The following SLX4IP variants were observed in gnomAD, a reference collection of about 807,000 sequenced individuals.
SLX4IP encodes SLX4 interacting protein.
In SLX4IP, 34 loss-of-function variants were observed where a neutral mutation model predicts 32.9. The ratio of observed to expected loss-of-function variants is 1.03; its 90% CI spans 0.79 to 1.38. The LOEUF (loss-of-function observed/expected upper bound fraction) is 1.38, where lower values mean the gene tolerates loss of function less well. SLX4IP is among the 40% of genes most tolerant of loss of function. SLX4IP has a pLI of 0.00. For synonymous variants in SLX4IP, 172 were observed against 171.7 expected (o/e 1.00, Z -0.01); for missense variants, 444 against 479.0 (o/e 0.93, Z 0.68).
At chr20:10,474,662 C>T (rs2065458705) in intron 2 of SLX4IP, among the ~76,000 whole-genome samples, 1 of 152,238 alleles carries the variant, frequency 6.6e-6, no homozygotes, top group South Asian at 2.1e-4. Flanking sequence ...GGGCTGGAGC[C>T]TCTCCACTTC....
intron 2 of SLX4IP, among the ~76,000 whole-genome samples, chr20:10,532,905 A>T (rs2066002387): frequency 6.6e-6 from 1 of 151,824 alleles, no homozygotes; most frequent in African/African-American, 2.4e-5. Flanking sequence ...CCTCCCAAGT[A>T]ACTGAGATTA....
chr20:10,562,420 C>T (rs2066343203), intron 4 of SLX4IP, among the ~76,000 whole-genome samples: 1 of 152,186 alleles, frequency 6.6e-6, no homozygotes, highest in African/African-American at 2.4e-5. Flanking sequence ...ATCCCGCTGT[C>T]CATGGCCTGC....
chr20:10,613,249 A>G, intron 6 of SLX4IP: 1 of 604,794 alleles, frequency 1.7e-6, no homozygotes, highest in South Asian at 2.0e-5. Context: ...ACACAATGTC[A>G]AGTGCTTTCT....
intron 1 of SLX4IP, among the ~76,000 whole-genome samples, chr20:10,438,231 T>C (rs922045864): frequency 6.6e-6 from 1 of 151,512 alleles, no homozygotes; most frequent in African/African-American, 2.4e-5. Context: ...TTTTTTTTTC[T>C]GTAAGTACTT....
chr20:10,503,543 C>G lies in SLX4IP; in HGVS notation c.27+45312C>G, dbSNP rs79964599. Among the ~76,000 whole-genome samples, 659 of 152,350 alleles carry G rather than the reference C, an allele frequency of 4.3e-3. 2 individuals are homozygous for G. Among genetic ancestry groups the G allele is most frequent in the South Asian group, 0.017 (84 of 4,832 alleles). ...AGCAGCTTTGCTTTCCTCTGAAAGG[C>G]ATCATCTCTGTTCACAAATGACATG... On this transcript the variant is annotated intron_variant, in intron 2 of 7. Transcript: ENST00000334534.
chr20:10,511,879 A>C (rs2065810593), intron 2 of SLX4IP, among the ~76,000 whole-genome samples: 1 of 152,252 alleles, frequency 6.6e-6, no homozygotes, highest in Non-Finnish European at 1.5e-5. Context: ...GTATGAAACT[A>C]AAATTTATTG....
intron 1 of SLX4IP, among the ~76,000 whole-genome samples, chr20:10,450,584 T>C (rs1691553852): frequency 6.6e-6 from 1 of 152,208 alleles, no homozygotes; most frequent in Admixed American, 6.5e-5. Flanking sequence ...ATACTTAACA[T>C]GACTTAGGGT....
At chr20:10,566,704 G>A (rs756181221) in intron 4 of SLX4IP, among the ~76,000 whole-genome samples, 57 of 152,132 alleles carry the variant, frequency 3.7e-4, no homozygotes, top group Non-Finnish European at 7.2e-4. Flanking sequence ...ATTGAGTAAG[G>A]CCAGCTGCAG....
chr20:10,513,987 T>C (rs1428945109), intron 2 of SLX4IP, among the ~76,000 whole-genome samples: 2 of 152,330 alleles, frequency 1.3e-5, no homozygotes, highest in Admixed American at 1.3e-4. Flanking sequence ...GATAAACCTA[T>C]GCCAAAAGGA....
chr20:10,594,052 A>C (rs929108896), intron 4 of SLX4IP, among the ~76,000 whole-genome samples: 2 of 152,224 alleles, frequency 1.3e-5, no homozygotes, highest in Non-Finnish European at 2.9e-5. Flanking sequence ...AGCTGTGCTC[A>C]CATGTTTAGG....
At chr20:10,523,961 G>A (rs1354965320) in intron 2 of SLX4IP, among the ~76,000 whole-genome samples, 1 of 152,196 alleles carries the variant, frequency 6.6e-6, no homozygotes, top group African/African-American at 2.4e-5. Flanking sequence ...GTGATGTTTG[G>A]CCATTTTGTT....
intron 6 of SLX4IP, chr20:10,613,561 T>C (rs2122562625): frequency 2.5e-6 from 4 of 1,612,450 alleles, no homozygotes; most frequent in Non-Finnish European, 3.4e-6. Flanking sequence ...CTGCTCTGAA[T>C]GGCTGCCTTC....
chr20:10,617,434 A>G (rs1344186805), intron 6 of SLX4IP, among the ~76,000 whole-genome samples: 3 of 152,012 alleles, frequency 2.0e-5, no homozygotes, highest in African/African-American at 7.2e-5. Context: ...CTTCGTGAGG[A>G]GGTTGGAAGC....
chr20:10,569,942 A>G (rs937402510), intron 4 of SLX4IP, among the ~76,000 whole-genome samples: 2 of 152,192 alleles, frequency 1.3e-5, no homozygotes, highest in African/African-American at 4.8e-5. Flanking sequence ...AGGTACTGGG[A>G]GTTAGGACTT....
rs567268523 is a variant in SLX4IP, at chr20:10,625,684, A to G, written c.*2305A>G. On this transcript the variant is annotated 3_prime_UTR_variant, in exon 8 of 8. Transcript: ENST00000334534. ...CAATTACTGTGATCGAAGAGAAAAA[A>G]TAGCACCTTTGGTTGTAGATAGATG... 1 of 152,324 alleles carries G rather than the reference A, an allele frequency of 6.6e-6. No homozygotes were observed. The highest frequency in any genetic ancestry group is 1.5e-5 in the Non-Finnish European group (1 of 68,032). The allele number at this position is 152,324 out of a possible 1,614,324, so 9.4% of individuals were successfully genotyped here. A position where few individuals can be genotyped will look rare whatever the true frequency, so the allele number is the denominator to read the frequency against.
At chr20:10,464,694 T>A (rs1760281153) in intron 2 of SLX4IP, among the ~76,000 whole-genome samples, 1 of 152,212 alleles carries the variant, frequency 6.6e-6, no homozygotes, top group Admixed American at 6.5e-5. Flanking sequence ...TCTGGGTTGT[T>A]TATTCTAAGA....
chr20:10,474,543 CTG>C (rs2065457180), intron 2 of SLX4IP, among the ~76,000 whole-genome samples: 1 of 152,136 alleles, frequency 6.6e-6, no homozygotes, highest in African/African-American at 2.4e-5. Context: ...ATTTACATCT[CTG>C]TGGAGTTTTT....
chr20:10,556,162 G>A, intron 2 of SLX4IP, 69 bp from the exon 3 acceptor site: 2 of 1,433,310 alleles, frequency 1.4e-6, no homozygotes, highest in Non-Finnish European at 9.6e-7. Context: ...AGGAATTTGT[G>A]AGATTTTCTC....
chr20:10,521,420 A>G (rs62185071), intron 2 of SLX4IP, among the ~76,000 whole-genome samples: 110 of 151,932 alleles, frequency 7.2e-4, no homozygotes, highest in Admixed American at 1.4e-3. Flanking sequence ...TCTTCTCTCT[A>G]CGTGGGTTCC....
Sources: gnomAD v4.1 joint callset for allele counts (sites outside exome capture counted in the v4.1 genomes callset) on GRCh38, gnomAD v4.1.1 for gene constraint, MANE v1.5 for transcripts, NCBI Gene and HGNC (gene_info 2026-07-23, HGNC 2026-07-21) for gene names.